The following GRM1 variants were observed in gnomAD, a reference collection of about 807,000 sequenced individuals.
The protein encoded by GRM1 is glutamate metabotropic receptor 1.
GRM1 carries 33 observed loss-of-function variants against 90.9 expected under a neutral mutation model. The observed-to-expected ratio is 0.36, with a 90% CI of 0.28 to 0.49. GRM1 has a LOEUF of 0.49. Ranked by LOEUF, GRM1 falls within the 20% of genes least tolerant of loss-of-function variation. The probability of loss-of-function intolerance (pLI) is 0.99; values close to 1 mark genes in which losing one functional copy is unlikely to be tolerated. For synonymous variants in GRM1, 700 were observed against 613.2 expected (o/e 1.14, Z -2.09); for missense variants, 1,190 against 1,534.3 (o/e 0.78, Z 3.75).
At chr6:146,093,723 A>G (rs931330507) in intron 1 of GRM1, among the ~76,000 whole-genome samples, 9 of 152,042 alleles carry the variant, frequency 5.9e-5, no homozygotes, top group Non-Finnish European at 8.8e-5. Flanking sequence ...TTTCTCAAAC[A>G]TGCATATACA....
intron 1 of GRM1, among the ~76,000 whole-genome samples, chr6:146,155,474 C>T (rs1014289891): frequency 3.3e-5 from 5 of 152,156 alleles, no homozygotes; most frequent in African/African-American, 1.2e-4. Context: ...ACAAAATCGC[C>T]TAACAACACA....
intron 1 of GRM1, among the ~76,000 whole-genome samples, chr6:146,030,926 C>A (rs1182685427): frequency 2.0e-5 from 3 of 152,094 alleles, no homozygotes; most frequent in Non-Finnish European, 4.4e-5. Flanking sequence ...CACTGGTGAC[C>A]ACTTGGATTT....
chr6:146,349,974 T>C (rs1032303995), intron 3 of GRM1, among the ~76,000 whole-genome samples: 1 of 152,192 alleles, frequency 6.6e-6, no homozygotes, highest in African/African-American at 2.4e-5. Flanking sequence ...TGACACAATT[T>C]TCCTGGTTTG....
At chr6:146,036,305 A>G (rs572236606) in intron 1 of GRM1, among the ~76,000 whole-genome samples, 3 of 152,136 alleles carry the variant, frequency 2.0e-5, no homozygotes, top group African/African-American at 7.2e-5. Flanking sequence ...CTCATGGCAC[A>G]TGCTGTTCTG....
intron 1 of GRM1, among the ~76,000 whole-genome samples, chr6:146,073,015 G>A (rs962291950): frequency 2.0e-5 from 3 of 152,072 alleles, no homozygotes; most frequent in Non-Finnish European, 4.4e-5. Context: ...ACACTCTTAG[G>A]TAACGCTCCT....
intron 2 of GRM1, among the ~76,000 whole-genome samples, chr6:146,291,277 T>C (rs1326032216): frequency 6.6e-6 from 1 of 151,872 alleles, no homozygotes; most frequent in African/African-American, 2.4e-5. Context: ...TGAAATCCAA[T>C]TTAATATATT....
intron 2 of GRM1, among the ~76,000 whole-genome samples, chr6:146,168,516 A>G (rs2128893754): frequency 6.6e-6 from 1 of 152,136 alleles, no homozygotes; most frequent in African/African-American, 2.4e-5. Context: ...ATTAGCTTCT[A>G]TATTTACCCG....
intron 2 of GRM1, among the ~76,000 whole-genome samples, chr6:146,280,693 A>C (rs1782534120): frequency 6.6e-6 from 1 of 152,130 alleles, no homozygotes; most frequent in African/African-American, 2.4e-5. Context: ...ATCGTGGCTC[A>C]CTGCAGCCTC....
At chr6:146,072,686 C>T (rs976894326) in intron 1 of GRM1, among the ~76,000 whole-genome samples, 16 of 151,614 alleles carry the variant, frequency 1.1e-4, no homozygotes, top group African/African-American at 3.6e-4. Flanking sequence ...TTAATTTATG[C>T]CAGATAGAGG....
chr6:146,140,090 A>AGTCTTTCT, intron 1 of GRM1, among the ~76,000 whole-genome samples: 1 of 57,874 alleles, frequency 1.7e-5, no homozygotes, highest in Admixed American at 2.4e-4. Flanking sequence ...TTCTTTCTTT[A>AGTCTTTCT]TTCTTTCTTT....
At chr6:146,105,034 G>T (rs1368116220) in intron 1 of GRM1, among the ~76,000 whole-genome samples, 1 of 152,102 alleles carries the variant, frequency 6.6e-6, no homozygotes, top group Admixed American at 6.5e-5. Flanking sequence ...ATTTTTTATG[G>T]ATATTTCCCT....
intron 3 of GRM1, among the ~76,000 whole-genome samples, chr6:146,328,455 A>G (rs902311182): frequency 2.0e-5 from 3 of 152,306 alleles, no homozygotes; most frequent in East Asian, 1.9e-4. Flanking sequence ...AAAGCAAATT[A>G]ACATCTCTGG....
At chr6:146,178,000 T>C (rs1428850744) in intron 2 of GRM1, among the ~76,000 whole-genome samples, 1 of 152,210 alleles carries the variant, frequency 6.6e-6, no homozygotes, top group East Asian at 1.9e-4. Flanking sequence ...GTAAGCTTTA[T>C]TAACATATTT....
chr6:146,308,610 T>A (rs1783663849), intron 3 of GRM1, among the ~76,000 whole-genome samples: 1 of 152,190 alleles, frequency 6.6e-6, no homozygotes, highest in African/African-American at 2.4e-5. Context: ...CTCTTATATT[T>A]TCCCATGCAG....
chr6:146,194,641 GT>G, intron 2 of GRM1, among the ~76,000 whole-genome samples: 1 of 152,136 alleles, frequency 6.6e-6, no homozygotes, highest in Non-Finnish European at 1.5e-5. Flanking sequence ...TTGACACCCA[GT>G]TGCAGACACA....
At chr6:146,120,169 G>T (rs1031447594) in intron 1 of GRM1, among the ~76,000 whole-genome samples, 14 of 152,196 alleles carry the variant, frequency 9.2e-5, no homozygotes, top group African/African-American at 1.7e-4. Flanking sequence ...CCCTTGTAAG[G>T]TGGATTCCTA....
At chr6:146,180,519 G>A (rs1315663459) in intron 2 of GRM1, among the ~76,000 whole-genome samples, 1 of 152,076 alleles carries the variant, frequency 6.6e-6, no homozygotes, top group Non-Finnish European at 1.5e-5. Flanking sequence ...AGGAATAAAT[G>A]TGAAATATAT....
At chr6:146,419,040 G>T (rs376977650) in intron 7 of GRM1, among the ~76,000 whole-genome samples, 1 of 152,066 alleles carries the variant, frequency 6.6e-6, no homozygotes, top group Non-Finnish European at 1.5e-5. Context: ...AACATATAAG[G>T]AGTAAAAAGG....
intron 7 of GRM1, among the ~76,000 whole-genome samples, chr6:146,407,901 G>T (rs1777406524): frequency 6.6e-6 from 1 of 152,198 alleles, no homozygotes; most frequent in Non-Finnish European, 1.5e-5. Context: ...TGCATGAAAT[G>T]ATAAGAAACA....
Sources: allele counts gnomAD v4.1 joint callset (sites outside exome capture counted in the v4.1 genomes callset), GRCh38; gene constraint gnomAD v4.1.1; transcripts MANE v1.5; gene names NCBI Gene and HGNC (gene_info 2026-07-23, HGNC 2026-07-21).